PLCB4: variants seen among roughly 807,000 people sequenced by gnomAD.
PLCB4 encodes 1-phosphatidylinositol 4,5-bisphosphate phosphodiesterase beta-4.
PLCB4 carries 77 observed loss-of-function variants against 178.8 expected under a neutral mutation model. The ratio of observed to expected loss-of-function variants is 0.43; its 90% confidence interval spans 0.36 to 0.52. PLCB4 has a LOEUF of 0.52. Ranked by LOEUF, PLCB4 falls within the 20% of genes least tolerant of loss-of-function variation. PLCB4 has a pLI of 0.00. For missense variants in PLCB4, 1,024 were observed against 1,453.4 expected (o/e 0.70, Z 4.80); for synonymous variants, 496 against 490.8 (o/e 1.01, Z -0.14).
intron 8 of PLCB4, among the ~76,000 whole-genome samples, 175 bp from the exon 9 acceptor site, chr20:9,365,286 C>T (rs2035680042): frequency 6.6e-6 from 1 of 152,096 alleles, no homozygotes; most frequent in South Asian, 2.1e-4. Context: ...ACTGAGAGCT[C>T]TATATATTTA....
At chr20:9,101,059 G>A (rs2036759849) in intron 2 of PLCB4, among the ~76,000 whole-genome samples, 1 of 152,094 alleles carries the variant, frequency 6.6e-6, no homozygotes, top group South Asian at 2.1e-4. Context: ...GCCTGGCAGT[G>A]GAACCATCAC....
intron 36 of PLCB4, among the ~76,000 whole-genome samples, chr20:9,472,059 T>C (rs1480325849): frequency 6.6e-6 from 1 of 152,216 alleles, no homozygotes; most frequent in Non-Finnish European, 1.5e-5. Flanking sequence ...AGTCTGTTCA[T>C]AAATTGAAAA....
chr20:9,473,101 G>A (rs1406969380), intron 37 of PLCB4, among the ~76,000 whole-genome samples, 178 bp from the exon 38 acceptor site: 2 of 152,070 alleles, frequency 1.3e-5, no homozygotes. Context: ...TAAGATTTTA[G>A]CAGGAAAGAT....
intron 3 of PLCB4, among the ~76,000 whole-genome samples, chr20:9,218,891 T>C (rs2093764545): frequency 6.6e-6 from 1 of 152,250 alleles, no homozygotes; most frequent in Non-Finnish European, 1.5e-5. Context: ...CTCTCGGGAC[T>C]TTAAATCAGT....
intron 7 of PLCB4, among the ~76,000 whole-genome samples, chr20:9,339,889 A>G (rs950652667): frequency 5.3e-5 from 8 of 152,186 alleles, no homozygotes; most frequent in Non-Finnish European, 1.0e-4. Flanking sequence ...TCGAAGAAGT[A>G]GAAAGCCTCG....
At chr20:9,145,413 A>G (rs1204605014) in intron 2 of PLCB4, among the ~76,000 whole-genome samples, 1 of 152,082 alleles carries the variant, frequency 6.6e-6, no homozygotes, top group Non-Finnish European at 1.5e-5. Context: ...TGTGTTTTAT[A>G]TTTTTGACAA....
At chr20:9,235,171 A>G (rs1279615966) in intron 3 of PLCB4, among the ~76,000 whole-genome samples, 1 of 152,012 alleles carries the variant, frequency 6.6e-6, no homozygotes, top group Non-Finnish European at 1.5e-5. Context: ...TAGGCCTCAG[A>G]TTGGTCATTG....
intron 3 of PLCB4, among the ~76,000 whole-genome samples, chr20:9,269,534 T>A (rs190096540): frequency 2.0e-4 from 31 of 152,306 alleles, no homozygotes; most frequent in Admixed American, 1.9e-3. Flanking sequence ...AAAAATCTGG[T>A]AAACAGAAGG....
intron 3 of PLCB4, among the ~76,000 whole-genome samples, chr20:9,232,189 A>G (rs1315011853): frequency 3.3e-5 from 5 of 152,156 alleles, no homozygotes; most frequent in East Asian, 3.8e-4. Context: ...AAAGAGTCCA[A>G]AGAAACTTTT....
intron 3 of PLCB4, among the ~76,000 whole-genome samples, chr20:9,272,745 A>C (rs780511060): frequency 6.6e-6 from 1 of 152,104 alleles, no homozygotes; most frequent in Non-Finnish European, 1.5e-5. Context: ...CTTGGTGAGC[A>C]TACCCTTAAA....
chr20:9,249,095 C>G (rs892272546), intron 3 of PLCB4, among the ~76,000 whole-genome samples: 1 of 152,188 alleles, frequency 6.6e-6, no homozygotes, highest in Non-Finnish European at 1.5e-5. Context: ...CTCTTCCTTT[C>G]CCCCTGTTTA....
chr20:9,178,249 A>G (rs557200534), intron 2 of PLCB4, among the ~76,000 whole-genome samples: 8 of 152,302 alleles, frequency 5.3e-5, no homozygotes, highest in Non-Finnish European at 1.0e-4. Context: ...TGAATCTGGG[A>G]GGCGGAGGTT....
intron 2 of PLCB4, among the ~76,000 whole-genome samples, chr20:9,097,055 C>T (rs1268172403): frequency 2.0e-5 from 3 of 151,908 alleles, no homozygotes; most frequent in Admixed American, 2.0e-4. Flanking sequence ...TTGCCTTAGC[C>T]TCTGAAGTAG....
Position 9,435,552 on chromosome 20 carries a change from TC to T in PLCB4, c.2525-4del. 1 of 1,543,116 alleles carries T rather than the reference TC, an allele frequency of 6.5e-7. No individual in the cohort carries two copies. The highest frequency in any genetic ancestry group is 8.9e-7 in the Non-Finnish European group (1 of 1,121,144). On this transcript the variant is annotated splice_polypyrimidine_tract_variant and splice_region_variant and intron_variant, in intron 28 of 39. Transcript: ENST00000378473. ...ATTAACGGCTCATTGGGTTTTTTTT[TC>T]CCCTAGATATCGTGGATGCTTTATC...
chr20:9,365,413 G>C (rs756244816), intron 8 of PLCB4, 48 bp from the exon 9 acceptor site: 1 of 1,185,098 alleles, frequency 8.4e-7, no homozygotes, highest in Non-Finnish European at 1.3e-6. Flanking sequence ...AATTGAAGCT[G>C]CTCCCTCTAA....
chr20:9,261,533 A>T (rs796811670), intron 3 of PLCB4, among the ~76,000 whole-genome samples: 41 of 152,288 alleles, frequency 2.7e-4, no homozygotes, highest in African/African-American at 7.2e-4. Flanking sequence ...CATAGTTTTA[A>T]TGACTGAATT....
intron 3 of PLCB4, among the ~76,000 whole-genome samples, chr20:9,251,062 A>G (rs2094175479): frequency 6.6e-6 from 1 of 152,116 alleles, no homozygotes; most frequent in South Asian, 2.1e-4. Flanking sequence ...CCCTCTTGCT[A>G]TTATCTGTTG....
Position 9,408,636 on chromosome 20 carries a change from G to A in PLCB4, c.1793G>A (p.Arg598His), listed in dbSNP as rs757285095. The A allele has an allele frequency of 2.0e-5, 31 of 1,529,028 alleles. No individual in the cohort carries two copies. Among genetic ancestry groups the A allele is most frequent in the Admixed American group, 2.0e-4 (12 of 59,772 alleles). 94.7% of individuals were successfully genotyped at this position (1,529,028 alleles called of 1,614,324 possible). The part of the protein sequence containing the change: ...KFQGFHVAEE[R>H]NIHYNMSSFN... The stretch of plus-strand genomic sequence containing the variant: ...CATCTTTGCTTTTCTTTTACAGAAC[G>A]CAATATTCATTATAACATGTCTTCT... Residue 598 changes from arginine (R) to histidine (H), a missense_variant, in exon 23 of 40, where the codon CGC becomes CAC. By Grantham distance (29) the Arg-to-His change is conservative (BLOSUM62 0). Transcript: ENST00000378473.
At chr20:9,251,256 A>G (rs575919709) in intron 3 of PLCB4, among the ~76,000 whole-genome samples, 275 of 152,318 alleles carry the variant, frequency 1.8e-3, no homozygotes, top group Non-Finnish European at 3.1e-3. Flanking sequence ...AGCCCTTGCT[A>G]ATGAAAGTGT....
Sources: gnomAD v4.1 joint callset for allele counts (sites outside exome capture counted in the v4.1 genomes callset) on GRCh38, gnomAD v4.1.1 for gene constraint, MANE v1.5 for transcripts, NCBI Gene and HGNC (gene_info 2026-07-23, HGNC 2026-07-21) for gene names.